Variants in CUX1 observed in about 807,000 individuals in gnomAD.
CUX1 encodes protein CASP.
CUX1 carries 31 observed loss-of-function variants against 158.8 expected under a neutral mutation model. The observed-to-expected ratio is 0.20, with a 90% CI of 0.15 to 0.26. The LOEUF is 0.26. Ranked by LOEUF, CUX1 falls within the 10% of genes least tolerant of loss-of-function variation. The pLI is 1.00. For synonymous variants in CUX1, 879 were observed against 862.1 expected (o/e 1.02, Z -0.34); for missense variants, 1,589 against 2,014.6 (o/e 0.79, Z 4.04).
At chr7:101,932,140 G>A (rs1080079) in intron 2 of CUX1, among the ~76,000 whole-genome samples, 8,372 of 152,258 alleles carry the variant, frequency 0.055, 786 homozygotes, top group African/African-American at 0.19. Context: ...GTTATCATAG[G>A]TGGCTGTGAT....
chr7:102,158,105 C>T (rs1240590026), intron 8 of CUX1, among the ~76,000 whole-genome samples: 2 of 152,142 alleles, frequency 1.3e-5, no homozygotes, highest in Admixed American at 6.6e-5. Context: ...AGCCTTTCCC[C>T]AGCTCCTCCT....
chr7:101,972,377 T>C (rs1433647391), intron 2 of CUX1, among the ~76,000 whole-genome samples: 2 of 152,224 alleles, frequency 1.3e-5, no homozygotes, highest in African/African-American at 4.8e-5. Flanking sequence ...GTTGGTTTAG[T>C]CTTTTTAGAC....
At chr7:102,208,374 G>A (rs1163087375) in intron 20 of CUX1, among the ~76,000 whole-genome samples, 3 of 152,274 alleles carry the variant, frequency 2.0e-5, no homozygotes, top group East Asian at 1.9e-4. Context: ...CTCCCAAGTA[G>A]CTGAAACTAC....
In CUX1 at chr7:102,227,636, C is replaced by A. The variant is rs782061157; in HGVS notation, c.3400C>A (p.Arg1134=). The change falls in exon 21 of 24, where the codon CGG becomes AGG. Residue 1134 remains arginine, a synonymous_variant. Coordinates refer to ENST00000292535, the MANE Select transcript of CUX1 (RefSeq NM_181552.4). ...PELDTYGITK[R]VKEVLTDNNL... is the part of the protein sequence containing the mutation. ...GCTGGACACCTACGGCATAACCAAG[C>A]GGGTGAAGGAGGTGCTGACGGACAA... 1.4e-5 allele frequency: 22 copies of A among 1,612,906 alleles called. No individual in the cohort carries two copies. The East Asian group carries it at 4.9e-4, about 36-fold the overall frequency.
At chr7:102,241,783 C>G (rs576379705) in intron 23 of CUX1, among the ~76,000 whole-genome samples, 1 of 152,228 alleles carries the variant, frequency 6.6e-6, no homozygotes, top group African/African-American at 2.4e-5. Flanking sequence ...CAGGCCTCCC[C>G]GTGTTCCAGC....
intron 1 of CUX1, chr7:101,913,250 T>A: frequency 1.7e-6 from 1 of 590,914 alleles, no homozygotes; most frequent in Non-Finnish European, 2.6e-6. Flanking sequence ...TCCTCCTCGC[T>A]GTGCCAATCT....
chr7:101,974,761 C>T (rs1812432457), intron 2 of CUX1, among the ~76,000 whole-genome samples: 1 of 151,996 alleles, frequency 6.6e-6, no homozygotes, highest in Admixed American at 6.6e-5. Flanking sequence ...TCTCTATTTT[C>T]TTAAATTTTA....
chr7:102,251,498 A>G lies in CUX1; in HGVS notation c.*2456A>G. ...GAATAAGAAGTTTTCAGAAGGCTCT[A>G]GGGGGCTGGGAGGCAGGCTGTTCGT... On this transcript the variant is annotated 3_prime_UTR_variant, in exon 24 of 24. Transcript: ENST00000292535. 1.0e-6 allele frequency: 1 copy of G among 985,346 alleles called. No homozygotes were observed. Among genetic ancestry groups the G allele is most frequent in the Non-Finnish European group, 1.2e-6 (1 of 829,884 alleles). 61.0% of individuals were successfully genotyped at this position (985,346 alleles called of 1,614,324 possible).
chr7:101,998,528 G>A (rs575057983), intron 2 of CUX1, among the ~76,000 whole-genome samples: 4 of 152,342 alleles, frequency 2.6e-5, no homozygotes, highest in East Asian at 3.9e-4. Flanking sequence ...GGCATCTGTC[G>A]TCTTCGTCCA....
At chr7:102,278,210 C>A in intron 18 of CUX1, 1 of 503,676 alleles carries the variant, frequency 2.0e-6, no homozygotes, top group Non-Finnish European at 3.6e-6. Flanking sequence ...CGACATCTCC[C>A]CACCCACCCA....
intron 2 of CUX1, among the ~76,000 whole-genome samples, chr7:102,006,069 C>G (rs1226614153): frequency 6.6e-6 from 1 of 152,144 alleles, no homozygotes; most frequent in African/African-American, 2.4e-5. Context: ...AGTGCAGACC[C>G]TAGGGAGGAA....
chr7:102,035,204 C>G (rs1291976068), intron 3 of CUX1, among the ~76,000 whole-genome samples: 1 of 152,058 alleles, frequency 6.6e-6, no homozygotes, highest in Non-Finnish European at 1.5e-5. Flanking sequence ...GTACAGATAG[C>G]TCTTGACTTA....
chr7:102,121,444 C>G (rs1311282906), intron 8 of CUX1, among the ~76,000 whole-genome samples: 1 of 151,646 alleles, frequency 6.6e-6, no homozygotes, highest in Non-Finnish European at 1.5e-5. Flanking sequence ...CTCCCGGGTT[C>G]AAGCGATTCT....
chr7:102,040,233 G>A (rs1821910818), intron 3 of CUX1, among the ~76,000 whole-genome samples: 1 of 152,198 alleles, frequency 6.6e-6, no homozygotes, highest in South Asian at 2.1e-4. Context: ...GCGGGAAGAG[G>A]TGGTAGTGAC....
intron 5 of CUX1, among the ~76,000 whole-genome samples, chr7:102,101,625 TG>T (rs1176476984): frequency 7.9e-5 from 12 of 151,932 alleles, no homozygotes; most frequent in Non-Finnish European, 1.3e-4. Context: ...AAGGCAAAAA[TG>T]AGGCCAGGCA....
At chr7:102,243,856 T>C (rs1409080521) in intron 23 of CUX1, among the ~76,000 whole-genome samples, 1 of 151,476 alleles carries the variant, frequency 6.6e-6, no homozygotes, top group African/African-American at 2.4e-5. Context: ...GGTGAAACCC[T>C]GCCTCTACTA....
At chr7:102,017,624 T>C (rs1444969417) in intron 2 of CUX1, among the ~76,000 whole-genome samples, 1 of 152,198 alleles carries the variant, frequency 6.6e-6, no homozygotes, top group Admixed American at 6.5e-5. Context: ...GATGGGTGGA[T>C]CACCTGAGGT....
intron 2 of CUX1, among the ~76,000 whole-genome samples, chr7:101,967,346 C>T (rs1268144635): frequency 6.6e-6 from 1 of 152,206 alleles, no homozygotes; most frequent in Non-Finnish European, 1.5e-5. Context: ...ACACTTGTGA[C>T]TTAGCCAAGT....
intron 1 of CUX1, among the ~76,000 whole-genome samples, chr7:101,910,092 T>C (rs577886800): frequency 1.1e-4 from 17 of 152,218 alleles, no homozygotes; most frequent in African/African-American, 4.1e-4. Flanking sequence ...GCTAATTTTT[T>C]GTATTTTTAG....
Sources: gnomAD v4.1 joint callset for allele counts (sites outside exome capture counted in the v4.1 genomes callset) on GRCh38, gnomAD v4.1.1 for gene constraint, MANE v1.5 for transcripts, NCBI Gene and HGNC (gene_info 2026-07-23, HGNC 2026-07-21) for gene names.